FBXW10: variants seen among roughly 807,000 people sequenced by gnomAD.
The protein encoded by FBXW10 is F-box and WD repeat domain containing 10, also known as F-box/WD repeat-containing protein 10.
FBXW10 carries 68 observed loss-of-function variants against 113.1 expected under a neutral mutation model. The observed-to-expected ratio is 0.60, with a 90% CI of 0.49 to 0.74. The LOEUF (loss-of-function observed/expected upper bound fraction) is 0.74, where lower values mean the gene tolerates loss of function less well. FBXW10 is among the 30% of genes least tolerant of loss of function. FBXW10 has a pLI of 0.00. For missense variants in FBXW10, 753 were observed against 1,284.5 expected (o/e 0.59, Z 6.32); for synonymous variants, 289 against 481.6 (o/e 0.60, Z 5.24).
chr17:18,773,296 C>A (rs1256081010), intron 12 of FBXW10, among the ~76,000 whole-genome samples: 1 of 152,154 alleles, frequency 6.6e-6, no homozygotes, highest in Non-Finnish European at 1.5e-5. Flanking sequence ...AGCCTTAATA[C>A]TTACCACTGA....
chr17:18,747,991 A>G lies in FBXW10; in HGVS notation c.556A>G (p.Ser186Gly), dbSNP rs755739662. ...GTGTTTTTCCCCTGAGAAAGACCAC[A>G]GCTCCAAGTCTGCGACCTCACAAGT... ...DVCFSPEKDH[S>G]SKSATSQVYW... Residue 186 changes from serine to glycine, a missense_variant, in exon 2 of 14, where the codon AGC becomes GGC. Ser to Gly is a moderately conservative substitution (Grantham distance 56). Coordinates refer to ENST00000395665, the MANE Select transcript of FBXW10 (RefSeq NM_001267585.2). 84 of 1,613,804 alleles carry G rather than the reference A, an allele frequency of 5.2e-5. 1 individual carries two copies. In the Admixed American group the frequency reaches 5.7e-4, roughly 11 times the overall value.
intron 4 of FBXW10, among the ~76,000 whole-genome samples, chr17:18,750,551 T>A (rs2035146493): frequency 1.3e-5 from 2 of 152,150 alleles, no homozygotes; most frequent in Non-Finnish European, 2.9e-5. Flanking sequence ...TTTTCCCCAA[T>A]GGCAATCTTC....
chr17:18,762,404 G>A (rs866096011), intron 7 of FBXW10, among the ~76,000 whole-genome samples: 18 of 143,216 alleles, frequency 1.3e-4, no homozygotes, highest in Admixed American at 5.2e-4. Flanking sequence ...TGTAACCTCC[G>A]ACTCCCTGAT....
chr17:18,751,519 C>A (rs146665253), intron 5 of FBXW10, among the ~76,000 whole-genome samples: 2 of 152,116 alleles, frequency 1.3e-5, no homozygotes, highest in South Asian at 4.1e-4. Context: ...CGTGAGCCAC[C>A]GCGCTCAGCC....
intron 7 of FBXW10, among the ~76,000 whole-genome samples, chr17:18,761,355 T>A (rs1052831309): frequency 3.3e-5 from 5 of 151,960 alleles, no homozygotes; most frequent in Non-Finnish European, 5.9e-5. Context: ...CAGCTCCGCC[T>A]TCCGTGATCA....
rs772666896 is a variant in FBXW10, at chr17:18,747,976, CCT to C, written c.542_543del (p.Pro181ArgfsTer33). The C allele has an allele frequency of 1.7e-5, 27 of 1,613,830 alleles. No homozygotes were observed. The highest frequency in any genetic ancestry group is 1.8e-5 in the Non-Finnish European group (21 of 1,179,852). ...AGACATCACAGATGTGTGTTTTTCC[CCT>C]GAGAAAGACCACAGCTCCAAGTCTG... is the stretch of plus-strand genomic sequence containing the variant. ...NQDITDVCFS[P>X]EKDHSSKSAT... On this transcript the variant is annotated frameshift_variant, in exon 2 of 14. Coordinates refer to ENST00000395665, the MANE Select transcript of FBXW10 (RefSeq NM_001267585.2). LOFTEE classifies it high-confidence loss of function.
intron 2 of FBXW10, among the ~76,000 whole-genome samples, chr17:18,749,202 T>C (rs2035105237): frequency 6.6e-6 from 1 of 152,062 alleles, no homozygotes; most frequent in South Asian, 2.1e-4. Context: ...GACTTCTCCT[T>C]GGGCTGAAAA....
rs2035751402 is a variant in FBXW10, at chr17:18,778,858, A to G, written c.2719A>G (p.Thr907Ala). Residue 907 changes from threonine (T) to alanine (A), a missense_variant, in exon 14 of 14, where the codon ACC becomes GCC. Physicochemically the swap from Thr to Ala is moderately conservative, Grantham distance 58 (BLOSUM62 0). Coordinates refer to ENST00000395665, the MANE Select transcript of FBXW10 (RefSeq NM_001267585.2). ...TTTGCACAGTCCTAGAGTCCAGTCC[A>G]CCATACCCCAGCCCATGATTATCCG... ...ISLHSPRVQS[T>A]IPQPMIIRSR... 2 of 1,613,986 alleles carry G rather than the reference A, an allele frequency of 1.2e-6. No homozygotes were observed. The highest frequency in any genetic ancestry group is 1.7e-6 in the Non-Finnish European group (2 of 1,179,882).
In FBXW10 at chr17:18,775,193, G is replaced by A; in HGVS notation, c.2335+1G>A. On this transcript the variant is annotated splice_donor_variant, in intron 13 of 13. Coordinates refer to ENST00000395665, the MANE Select transcript of FBXW10 (RefSeq NM_001267585.2). LOFTEE classifies it high-confidence loss of function. ...AAGTCAAAATCACCCCGAAGAGATG[G>A]TAAGAAGAGAGTTTATTCTGTTCAT... 1.3e-6 allele frequency: 2 copies of A among 1,599,746 alleles called. No individual in the cohort carries two copies. The highest frequency in any genetic ancestry group is 1.7e-6 in the Non-Finnish European group (2 of 1,166,878).
At chr17:18,771,260 G>A (rs1473146781) in intron 11 of FBXW10, among the ~76,000 whole-genome samples, 1 of 152,178 alleles carries the variant, frequency 6.6e-6, no homozygotes, top group African/African-American at 2.4e-5. Flanking sequence ...GCCAAAACAA[G>A]TTACTTTTCT....
chr17:18,761,516 C>T (rs181628913), intron 7 of FBXW10, among the ~76,000 whole-genome samples: 5 of 152,288 alleles, frequency 3.3e-5, no homozygotes, highest in Non-Finnish European at 5.9e-5. Flanking sequence ...TCGCCCGCCT[C>T]GGCCTCCCAA....
Position 18,772,665 on chromosome 17 carries a change from C to G in FBXW10, c.2260C>G (p.Pro754Ala). Residue 754 changes from proline (P) to alanine (A), a missense_variant, in exon 12 of 14, where the codon CCG (proline) becomes GCG (alanine). Coordinates refer to ENST00000395665, the MANE Select transcript of FBXW10 (RefSeq NM_001267585.2). Reference protein sequence around the residue: ...KPPKSRVLLKPAKFSSAVLIE... With the variant: ...KPPKSRVLLKAAKFSSAVLIE... ...TCCCAAGTCCCGAGTACTCCTGAAGCCGGCCAAGTTCTCTTCAGGTAAAAA... is the reference window on the plus strand; with the variant it reads ...TCCCAAGTCCCGAGTACTCCTGAAGGCGGCCAAGTTCTCTTCAGGTAAAAA... The G allele has an allele frequency of 6.2e-7, 1 of 1,611,666 alleles. No homozygotes were observed. The highest frequency in any genetic ancestry group is 8.5e-7 in the Non-Finnish European group (1 of 1,179,386).
chr17:18,772,050 T>C (rs190668048), intron 11 of FBXW10, among the ~76,000 whole-genome samples: 1 of 152,222 alleles, frequency 6.6e-6, no homozygotes, highest in Non-Finnish European at 1.5e-5. Context: ...GAGGTTGCAG[T>C]GAGCTGAGAT....
chr17:18,748,160 C>G, intron 2 of FBXW10, 55 bp downstream of exon 2: 1 of 1,606,674 alleles, frequency 6.2e-7, no homozygotes, highest in Non-Finnish European at 8.5e-7. Flanking sequence ...TGGCTCATGC[C>G]TGTAATCCCA....
At chr17:18,768,004 T>C (rs1275050823) in intron 9 of FBXW10, among the ~76,000 whole-genome samples, 8 of 150,842 alleles carry the variant, frequency 5.3e-5, no homozygotes, top group African/African-American at 1.5e-4. Context: ...TTTTATTTTT[T>C]CTTTTCCTTC....
intron 5 of FBXW10, among the ~76,000 whole-genome samples, chr17:18,753,350 A>C (rs1201541038): frequency 6.6e-6 from 1 of 151,902 alleles, no homozygotes; most frequent in Non-Finnish European, 1.5e-5. Context: ...ATGTATAGGG[A>C]CAGACACACA....
chr17:18,763,074 G>A (rs2035417976), intron 7 of FBXW10, among the ~76,000 whole-genome samples: 1 of 150,084 alleles, frequency 6.7e-6, no homozygotes, highest in Non-Finnish European at 1.5e-5. Flanking sequence ...AGAAGAAAAA[G>A]CTTTAACATA....
intron 10 of FBXW10, among the ~76,000 whole-genome samples, chr17:18,769,222 A>G (rs1261477855): frequency 6.6e-6 from 1 of 151,850 alleles, no homozygotes; most frequent in Non-Finnish European, 1.5e-5. Context: ...GGCGTGAGCC[A>G]CCTTGCCCAG....
At chr17:18,750,242 C>T (rs2035137094) in intron 4 of FBXW10, 105 bp downstream of exon 4, 1 of 1,040,914 alleles carries the variant, frequency 9.6e-7, no homozygotes, top group Middle Eastern at 3.2e-4. Flanking sequence ...CTGGCCTCCT[C>T]CTCTACATTT....
Sources: gnomAD v4.1 joint callset for allele counts (sites outside exome capture counted in the v4.1 genomes callset) on GRCh38, gnomAD v4.1.1 for gene constraint, MANE v1.5 for transcripts, NCBI Gene and HGNC (gene_info 2026-07-23, HGNC 2026-07-21) for gene names.